The following FAM171A1 variants were observed in gnomAD, a reference collection of about 807,000 sequenced individuals.
The protein encoded by FAM171A1 is family with sequence similarity 171 member A1.
FAM171A1 carries 23 observed loss-of-function variants against 74.9 expected under a neutral mutation model. The ratio of observed to expected loss-of-function variants is 0.31; its 90% CI spans 0.22 to 0.44. FAM171A1 has a LOEUF of 0.44. Among genes scored for constraint, FAM171A1 ranks in the 20% least tolerant of loss-of-function variants. FAM171A1 has a pLI of 1.00. For synonymous variants in FAM171A1, 527 were observed against 505.7 expected (o/e 1.04, Z -0.57); for missense variants, 1,162 against 1,159.2 (o/e 1.00, Z -0.03).
chr10:15,223,075 C>T (rs891839563), intron 5 of FAM171A1, among the ~76,000 whole-genome samples: 1 of 152,174 alleles, frequency 6.6e-6, no homozygotes, highest in African/African-American at 2.4e-5. Context: ...CATGGTGGCT[C>T]ACGCCTATAG....
intron 3 of FAM171A1, among the ~76,000 whole-genome samples, chr10:15,258,280 C>T (rs1464445647): frequency 1.3e-5 from 2 of 152,052 alleles, no homozygotes; most frequent in Non-Finnish European, 2.9e-5. Context: ...AGGCTGGTCT[C>T]GATCTCCTGA....
At chr10:15,273,682 CA>C (rs1472332266) in intron 3 of FAM171A1, among the ~76,000 whole-genome samples, 1 of 152,134 alleles carries the variant, frequency 6.6e-6, no homozygotes, top group African/African-American at 2.4e-5. Flanking sequence ...ATAGCTTATC[CA>C]CCATGATCAA....
intron 1 of FAM171A1, among the ~76,000 whole-genome samples, chr10:15,312,095 C>T (rs1835366035): frequency 6.6e-6 from 1 of 152,242 alleles, no homozygotes; most frequent in African/African-American, 2.4e-5. Flanking sequence ...CGTGCATCTT[C>T]TAAATCTCGT....
At chr10:15,290,752 A>G (rs1473988230) in intron 1 of FAM171A1, among the ~76,000 whole-genome samples, 1 of 152,108 alleles carries the variant, frequency 6.6e-6, no homozygotes, top group Admixed American at 6.5e-5. Context: ...GGCCTGGAGG[A>G]GACACAGGGA....
rs1391537996 is a variant in FAM171A1, at chr10:15,254,762, T to C, written c.536A>G (p.Asp179Gly). ...TAATCCTCGCAAATAAGGAAAACTG[T>C]CCACCTCCGAAGGGGAGCTGGCGGC... is the stretch of plus-strand genomic sequence containing the variant. Reference protein sequence around the residue: ...LTAASSPSEVDSFPYLRGLDG... With the variant: ...LTAASSPSEVGSFPYLRGLDG... The change falls in exon 4 of 8, where the codon GAC becomes GGC. Residue 179 changes from aspartate to glycine, a missense_variant. Asp to Gly is a moderately conservative substitution (Grantham distance 94, BLOSUM62 -1). Coordinates refer to ENST00000378116, the MANE Select transcript of FAM171A1 (RefSeq NM_001010924.2). The C allele has an allele frequency of 6.2e-7, 1 of 1,614,180 alleles. No homozygotes were observed. Among genetic ancestry groups the C allele is most frequent in the East Asian group, 2.2e-5 (1 of 44,880 alleles).
chr10:15,241,174 G>C (rs1374496542), intron 5 of FAM171A1: 1 of 152,154 alleles, frequency 6.6e-6, no homozygotes, highest in Non-Finnish European at 1.5e-5. Context: ...TACAATGAAG[G>C]TGCTGTCACT....
chr10:15,336,318 T>C (rs1041352736), intron 1 of FAM171A1, among the ~76,000 whole-genome samples: 1 of 150,764 alleles, frequency 6.6e-6, no homozygotes, highest in Admixed American at 6.6e-5. Flanking sequence ...GACCCAGATT[T>C]TTTTTTTTTT....
At chr10:15,244,349 C>T (rs1285712322) in intron 5 of FAM171A1, among the ~76,000 whole-genome samples, 3 of 152,016 alleles carry the variant, frequency 2.0e-5, no homozygotes, top group African/African-American at 2.4e-5. Context: ...AGTGAGACTC[C>T]GTCTCAAAAA....
chr10:15,264,001 CAG>C lies in FAM171A1; in HGVS notation c.419-9124_419-9123del, dbSNP rs1311357575. Among the ~76,000 whole-genome samples the C allele has an allele frequency of 5.9e-5, 9 of 152,180 alleles. No homozygotes were observed. In the East Asian group the frequency reaches 1.7e-3, roughly 29 times the overall value. On this transcript the variant is annotated intron_variant, in intron 3 of 7. Coordinates refer to ENST00000378116, the MANE Select transcript of FAM171A1 (RefSeq NM_001010924.2). Reference sequence around the variant, plus strand: ...AACAAAACTACCTATTTATTTGAGACAGAGTCTTGCTCTGTTGCCCAGGCTGG... The same window carrying C: ...AACAAAACTACCTATTTATTTGAGACAGTCTTGCTCTGTTGCCCAGGCTGG...
intron 1 of FAM171A1, among the ~76,000 whole-genome samples, chr10:15,318,593 T>G (rs1014073189): frequency 6.6e-6 from 1 of 152,234 alleles, no homozygotes; most frequent in East Asian, 1.9e-4. Flanking sequence ...TTCCCATCAG[T>G]ACGTAGGTCA....
intron 3 of FAM171A1, among the ~76,000 whole-genome samples, chr10:15,269,906 T>A (rs932762424): frequency 6.6e-6 from 1 of 152,146 alleles, no homozygotes; most frequent in Admixed American, 6.5e-5. Flanking sequence ...CATCCAACAA[T>A]AAGTGGATTC....
At chr10:15,234,535 T>C (rs764666958) in intron 5 of FAM171A1, among the ~76,000 whole-genome samples, 1 of 152,182 alleles carries the variant, frequency 6.6e-6, no homozygotes, top group Non-Finnish European at 1.5e-5. Flanking sequence ...AAATACCCTA[T>C]AGCAGTTTCG....
At chr10:15,268,425 G>A (rs1052123420) in intron 3 of FAM171A1, among the ~76,000 whole-genome samples, 3 of 152,150 alleles carry the variant, frequency 2.0e-5, no homozygotes, top group African/African-American at 7.2e-5. Flanking sequence ...TTCGAGGAGA[G>A]AAGAATCAAG....
intron 5 of FAM171A1, among the ~76,000 whole-genome samples, chr10:15,245,089 G>A (rs551203131): frequency 2.0e-5 from 3 of 151,222 alleles, no homozygotes; most frequent in African/African-American, 4.9e-5. Context: ...TTTTTGAGAC[G>A]GTGTCTCACT....
intron 1 of FAM171A1, among the ~76,000 whole-genome samples, chr10:15,369,080 T>C (rs989072280): frequency 6.6e-6 from 1 of 152,186 alleles, no homozygotes; most frequent in Non-Finnish European, 1.5e-5. Context: ...CTGCTAGCCA[T>C]GGCAGAAACC....
At chr10:15,289,934 C>A (rs1230876567) in intron 1 of FAM171A1, among the ~76,000 whole-genome samples, 1 of 152,172 alleles carries the variant, frequency 6.6e-6, no homozygotes, top group African/African-American at 2.4e-5. Flanking sequence ...CTACTTTTGG[C>A]CCTTTAGAGA....
intron 1 of FAM171A1, among the ~76,000 whole-genome samples, chr10:15,367,594 T>C (rs934559474): frequency 3.3e-5 from 5 of 152,200 alleles, no homozygotes; most frequent in Admixed American, 2.6e-4. Context: ...CCTGATACCT[T>C]ACATGGCTTC....
At chr10:15,345,220 C>T (rs142024817) in intron 1 of FAM171A1, among the ~76,000 whole-genome samples, 33 of 152,270 alleles carry the variant, frequency 2.2e-4, no homozygotes, top group Non-Finnish European at 2.8e-4. Context: ...GAAAACACTG[C>T]GCAGGACCAG....
chr10:15,349,096 AGTT>A (rs1423827844), intron 1 of FAM171A1, among the ~76,000 whole-genome samples: 1 of 152,140 alleles, frequency 6.6e-6, no homozygotes, highest in Non-Finnish European at 1.5e-5. Context: ...TTTTCACAAC[AGTT>A]GTTAAGTTGT....
Sources: allele counts gnomAD v4.1 joint callset (sites outside exome capture counted in the v4.1 genomes callset), GRCh38; gene constraint gnomAD v4.1.1; transcripts MANE v1.5; gene names NCBI Gene and HGNC (gene_info 2026-07-23, HGNC 2026-07-21).